The following RCHY1 variants were observed in gnomAD, a reference collection of about 807,000 sequenced individuals.
RCHY1 encodes the protein ring finger and CHY zinc finger domain containing 1.
A neutral mutation model predicts 41.6 loss-of-function variants in RCHY1; 21 were observed. That is an observed-to-expected ratio of 0.51 (90% confidence interval 0.36 to 0.73). The LOEUF (loss-of-function observed/expected upper bound fraction) is 0.73. Among genes scored for constraint, RCHY1 ranks in the 30% least tolerant of loss-of-function variants. RCHY1 has a pLI of 0.00. For missense variants in RCHY1, 265 were observed against 325.3 expected (o/e 0.81, Z 1.43); for synonymous variants, 79 against 102.9 (o/e 0.77, Z 1.41).
At chr4:75,497,606 TCTGTTAAGTTTAATTTAAA>T (rs1246119448) in intron 3 of RCHY1, among the ~76,000 whole-genome samples, 1 of 152,130 alleles carries the variant, frequency 6.6e-6, no homozygotes, top group Non-Finnish European at 1.5e-5. Flanking sequence ...TAATTTAAAC[TCTGTTAAGTTTAATTTAAA>T]CTCTGTTAAG....
Position 75,490,656 on chromosome 4 carries a change from G to T in RCHY1, c.582C>A (p.Thr194=), listed in dbSNP as rs756362130. ...PLCMHSALDM[T]RYWRQLDDEV... ...CATCATCCAGCTGTCTCCAATACCT[G>T]GTCATATCTAAAGCAGAGTGCATAC... Residue 194 remains threonine (T), a synonymous_variant, in exon 8 of 9, where the codon ACC becomes ACA. Transcript: ENST00000324439. 2 of 1,609,558 alleles carry T rather than the reference G, an allele frequency of 1.2e-6. No homozygotes were observed. The highest frequency in any genetic ancestry group is 8.5e-7 in the Non-Finnish European group (1 of 1,176,212).
In RCHY1 at chr4:75,494,115, G is replaced by C. The variant is rs1722974499; in HGVS notation, c.391C>G (p.Gln131Glu). The stretch of plus-strand genomic sequence containing the variant: ...AAATTATATACCTTGTGTCTTCCTT[G>C]AAGATTCATAGCTAGGCATAAGTTA... ...KCNLCLAMNL[Q>E]GRHKCIENVS... Residue 131 changes from glutamine (Q) to glutamate (E), a missense_variant, in exon 4 of 9, where the codon CAA becomes GAA. Gln to Glu is a conservative substitution (Grantham distance 29). Transcript: ENST00000324439. The C allele has an allele frequency of 6.4e-7, 1 of 1,553,224 alleles. No homozygotes were observed. Among genetic ancestry groups the C allele is most frequent in the African/African-American group, 1.4e-5 (1 of 70,718 alleles).
At position 75,482,499 on chromosome 4, in the gene RCHY1, A is replaced by C; in HGVS notation, c.*39T>G. 6.5e-7 allele frequency: 1 copy of C among 1,541,466 alleles called. No individual in the cohort carries two copies. Among genetic ancestry groups the C allele is most frequent in the Non-Finnish European group, 8.7e-7 (1 of 1,143,352 alleles). On this transcript the variant is annotated 3_prime_UTR_variant, in exon 9 of 9. Coordinates refer to ENST00000324439, the MANE Select transcript of RCHY1 (RefSeq NM_015436.4). The stretch of plus-strand genomic sequence containing the variant: ...GATACCAAGGAAAGCCTTTTTCTAT[A>C]TCAGAAAATGCCAAGTTCTCCAGTA...
At chr4:75,495,965 C>T (rs1723167959) in intron 3 of RCHY1, among the ~76,000 whole-genome samples, 1 of 152,094 alleles carries the variant, frequency 6.6e-6, no homozygotes, top group Non-Finnish European at 1.5e-5. Flanking sequence ...ATTTGAATTA[C>T]TATAGCTTTA....
chr4:75,501,977 C>G (rs1440308424), intron 3 of RCHY1, among the ~76,000 whole-genome samples: 1 of 151,852 alleles, frequency 6.6e-6, no homozygotes, highest in Non-Finnish European at 1.5e-5. Flanking sequence ...ACTCGGGAGG[C>G]TGAGGCAGGA....
At chr4:75,483,443 G>A (rs552902084) in intron 8 of RCHY1, among the ~76,000 whole-genome samples, 8 of 152,272 alleles carry the variant, frequency 5.3e-5, no homozygotes, top group South Asian at 2.1e-4. Context: ...GGCCTGGGGC[G>A]TTAGGGAATG....
chr4:75,508,966 T>C (rs755249296), intron 2 of RCHY1, 31 bp from the exon 3 acceptor site: 1 of 1,436,048 alleles, frequency 7.0e-7, no homozygotes, highest in Admixed American at 1.9e-5. Context: ...AAAACTGCAA[T>C]AAACTAAACA....
At chr4:75,503,980 A>G (rs903008227) in intron 3 of RCHY1, among the ~76,000 whole-genome samples, 1 of 152,252 alleles carries the variant, frequency 6.6e-6, no homozygotes, top group African/African-American at 2.4e-5. Flanking sequence ...CAGAGCATGC[A>G]ATTATGAAGA....
intron 3 of RCHY1, among the ~76,000 whole-genome samples, chr4:75,506,812 G>C (rs989943305): frequency 1.3e-5 from 2 of 151,966 alleles, no homozygotes; most frequent in African/African-American, 4.8e-5. Flanking sequence ...CCCCAAGCCA[G>C]ATAAATATTA....
chr4:75,487,009 C>A (rs1173541841), intron 8 of RCHY1, among the ~76,000 whole-genome samples: 1 of 151,924 alleles, frequency 6.6e-6, no homozygotes, highest in Non-Finnish European at 1.5e-5. Context: ...TTTGAAGTTA[C>A]TTAACGGTTG....
chr4:75,508,450 T>A (rs759102524), intron 3 of RCHY1, among the ~76,000 whole-genome samples: 1 of 152,154 alleles, frequency 6.6e-6, no homozygotes, highest in Non-Finnish European at 1.5e-5. Context: ...TATTTCTTGA[T>A]AATTTTTTAA....
chr4:75,512,594 A>T (rs563977022), intron 1 of RCHY1, among the ~76,000 whole-genome samples: 1 of 152,146 alleles, frequency 6.6e-6, no homozygotes, highest in Admixed American at 6.5e-5. Flanking sequence ...ATGCTGTAAT[A>T]CTTCCTCTCT....
At chr4:75,494,237 G>T in intron 3 of RCHY1, 58 bp from the exon 4 acceptor site, 1 of 1,202,484 alleles carries the variant, frequency 8.3e-7, no homozygotes, top group South Asian at 1.4e-5. Flanking sequence ...GTCATGATTT[G>T]TTCATTATGT....
At chr4:75,503,521 C>T (rs1298594533) in intron 3 of RCHY1, among the ~76,000 whole-genome samples, 1 of 152,000 alleles carries the variant, frequency 6.6e-6, no homozygotes, top group Admixed American at 6.6e-5. Flanking sequence ...AAAGTGAAAC[C>T]TCATCTCTAC....
intron 3 of RCHY1, among the ~76,000 whole-genome samples, chr4:75,502,618 T>C (rs780862189): frequency 3.9e-5 from 6 of 152,228 alleles, no homozygotes; most frequent in South Asian, 4.1e-4. Context: ...CTATTCTGTT[T>C]GCAATTATCA....
chr4:75,490,789 T>C, intron 7 of RCHY1, 88 bp from the exon 8 acceptor site: 2 of 960,296 alleles, frequency 2.1e-6, no homozygotes, highest in South Asian at 3.7e-5. Context: ...AACTGCCACA[T>C]GAACCATTCA....
intron 4 of RCHY1, 131 bp downstream of exon 4, chr4:75,493,970 C>T (rs1230141356): frequency 1.7e-6 from 1 of 588,564 alleles, no homozygotes; most frequent in Admixed American, 3.7e-5. Context: ...GTTAATACTG[C>T]TTTTCAAAAA....
intron 3 of RCHY1, among the ~76,000 whole-genome samples, chr4:75,504,905 C>T (rs1429797943): frequency 2.0e-5 from 3 of 152,152 alleles, no homozygotes; most frequent in Non-Finnish European, 1.5e-5. Context: ...TGGTAAATGG[C>T]GATGACTAAT....
At chr4:75,498,220 G>A (rs925276888) in intron 3 of RCHY1, among the ~76,000 whole-genome samples, 15 of 150,798 alleles carry the variant, frequency 9.9e-5, no homozygotes, top group African/African-American at 3.6e-4. Flanking sequence ...CCACAAATTG[G>A]AAAACCTAGA....
Sources: gnomAD v4.1 joint callset for allele counts (sites outside exome capture counted in the v4.1 genomes callset) on GRCh38, gnomAD v4.1.1 for gene constraint, MANE v1.5 for transcripts, NCBI Gene and HGNC (gene_info 2026-07-23, HGNC 2026-07-21) for gene names.